Variants in OPCML observed in about 807,000 individuals in gnomAD.
The protein encoded by OPCML is opioid-binding protein/cell adhesion molecule.
Under a neutral mutation model 37.8 loss-of-function variants are expected in OPCML, and 13 were observed. The ratio of observed to expected loss-of-function variants is 0.34; its 90% confidence interval spans 0.22 to 0.55. OPCML has a LOEUF of 0.55. OPCML is among the 20% of genes least tolerant of loss of function. The pLI, the probability that OPCML is intolerant of heterozygous loss-of-function variation, is 0.91. For missense variants in OPCML, 341 were observed against 435.6 expected (o/e 0.78, Z 1.93); for synonymous variants, 176 against 168.8 (o/e 1.04, Z -0.33).
At chr11:133,347,592 G>T (rs185066771) in intron 1 of OPCML, among the ~76,000 whole-genome samples, 1 of 152,064 alleles carries the variant, frequency 6.6e-6, no homozygotes, top group East Asian at 1.9e-4. Flanking sequence ...ATTTAGGTTG[G>T]CCTCTGAAAT....
intron 2 of OPCML, among the ~76,000 whole-genome samples, chr11:132,854,510 C>T (rs921543530): frequency 6.6e-6 from 1 of 152,208 alleles, no homozygotes; most frequent in Admixed American, 6.5e-5. Context: ...TGGCAAGCAG[C>T]CCCTATCCTG....
intron 2 of OPCML, among the ~76,000 whole-genome samples, chr11:132,815,968 G>A (rs776310624): frequency 1.2e-4 from 18 of 152,330 alleles, no homozygotes; most frequent in Non-Finnish European, 2.2e-4. Flanking sequence ...GCAGCAGCTG[G>A]AGGCAGTTCA....
intron 1 of OPCML, chr11:133,421,361 TGGAGAACAGGGTGTCACTC>T: frequency 1.0e-6 from 1 of 985,396 alleles, no homozygotes. Context: ...GCCATCAAGA[TGGAGAACAGGGTGTCACTC>T]GGAGACCAGA....
At position 133,211,394 on chromosome 11, in the gene OPCML, A is replaced by T. The variant is rs1159954088; in HGVS notation, c.62-268384T>A. ...TGAATCCTCTCCCTCTCAAACTGGG[A>T]ACAATAAGGCTTCAGAGCCTTGCAC... On this transcript the variant is annotated intron_variant, in intron 1 of 7. Transcript: ENST00000524381. The surrounding 1 kb of genome is among the most constrained non-coding windows in gnomAD (Gnocchi z 4.1). 6.6e-6 allele frequency among the ~76,000 whole-genome samples: 1 copy of T among 152,180 alleles called. No individual in the cohort carries two copies. The highest frequency in any genetic ancestry group is 1.5e-5 in the Non-Finnish European group (1 of 68,036).
chr11:133,495,064 CT>C (rs888078765), intron 1 of OPCML, among the ~76,000 whole-genome samples: 4 of 152,226 alleles, frequency 2.6e-5, no homozygotes, highest in Middle Eastern at 3.4e-3. Flanking sequence ...CCCTGCCACT[CT>C]TTCCCCCAAG....
At chr11:133,428,787 T>C (rs917334647) in intron 1 of OPCML, among the ~76,000 whole-genome samples, 15 of 152,180 alleles carry the variant, frequency 9.9e-5, no homozygotes, top group African/African-American at 3.6e-4. Flanking sequence ...TATTATGAAA[T>C]TCCAATAAAA....
At chr11:132,821,768 TTTCCTCCCC>T (rs1940001253) in intron 2 of OPCML, among the ~76,000 whole-genome samples, 1 of 152,158 alleles carries the variant, frequency 6.6e-6, no homozygotes, top group African/African-American at 2.4e-5. Flanking sequence ...GCCTTCTTCC[TTTCCTCCCC>T]TTCCTCCCCT....
intron 2 of OPCML, among the ~76,000 whole-genome samples, chr11:132,891,305 C>T (rs1206505510): frequency 1.3e-5 from 2 of 152,184 alleles, no homozygotes; most frequent in African/African-American, 2.4e-5. Flanking sequence ...CCAAGCTCAT[C>T]CATCTGGTCA....
chr11:133,521,569 C>A (rs1485452462), intron 1 of OPCML, among the ~76,000 whole-genome samples: 2 of 152,220 alleles, frequency 1.3e-5, no homozygotes, highest in East Asian at 3.9e-4. Flanking sequence ...GAAAAACATG[C>A]AAAATCCTGA....
chr11:133,078,924 T>G (rs1023262851), intron 1 of OPCML, among the ~76,000 whole-genome samples: 7 of 152,140 alleles, frequency 4.6e-5, no homozygotes, highest in Non-Finnish European at 1.0e-4. Flanking sequence ...TACTAGGGGT[T>G]ATAAACGACA....
intron 1 of OPCML, among the ~76,000 whole-genome samples, chr11:133,038,194 G>T (rs983068508): frequency 6.6e-6 from 1 of 152,200 alleles, no homozygotes. Context: ...CTGGGCGCTG[G>T]CCCTGTCTGT....
At chr11:133,160,813 C>T (rs537931201) in intron 1 of OPCML, among the ~76,000 whole-genome samples, 1 of 152,204 alleles carries the variant, frequency 6.6e-6, no homozygotes, top group Non-Finnish European at 1.5e-5. Flanking sequence ...TAGAGCTAGA[C>T]ATTGCATTCA....
intron 2 of OPCML, among the ~76,000 whole-genome samples, chr11:132,914,035 C>G (rs901602051): frequency 6.6e-6 from 1 of 152,160 alleles, no homozygotes; most frequent in East Asian, 1.9e-4. Context: ...TTGATTGTCT[C>G]AAAAAGCCAG....
chr11:132,882,957 C>T (rs935361611), intron 2 of OPCML, among the ~76,000 whole-genome samples: 1 of 152,032 alleles, frequency 6.6e-6, no homozygotes, highest in African/African-American at 2.4e-5. Context: ...AATTTGAATG[C>T]CCAATGAATA....
chr11:132,602,067 T>G (rs1392931997), intron 3 of OPCML, among the ~76,000 whole-genome samples: 1 of 152,172 alleles, frequency 6.6e-6, no homozygotes, highest in African/African-American at 2.4e-5. Flanking sequence ...CACTTCAGCA[T>G]TCACTATGCA....
At chr11:132,922,561 C>G (rs533432285) in intron 2 of OPCML, among the ~76,000 whole-genome samples, 4 of 152,206 alleles carry the variant, frequency 2.6e-5, no homozygotes, top group African/African-American at 7.2e-5. Context: ...AAGGGTCTGA[C>G]TCCTGCTTCC....
At chr11:132,683,241 A>C (rs1943029015) in intron 2 of OPCML, among the ~76,000 whole-genome samples, 1 of 152,190 alleles carries the variant, frequency 6.6e-6, no homozygotes, top group Non-Finnish European at 1.5e-5. Context: ...GCTACATAAA[A>C]ATTAAAAAAT....
chr11:133,152,748 A>T (rs546879261), intron 1 of OPCML, among the ~76,000 whole-genome samples: 43 of 152,058 alleles, frequency 2.8e-4, no homozygotes, highest in Non-Finnish European at 5.3e-4. Flanking sequence ...CTTTATAAAT[A>T]TATGATTTGA....
chr11:133,095,120 G>GTAGC (rs1261508017), intron 1 of OPCML, among the ~76,000 whole-genome samples: 1 of 151,876 alleles, frequency 6.6e-6, no homozygotes, highest in Non-Finnish European at 1.5e-5. Flanking sequence ...TATTAATCAT[G>GTAGC]TAGCTGTTCT....
Sources: gnomAD v4.1 joint callset for allele counts (sites outside exome capture counted in the v4.1 genomes callset) on GRCh38, gnomAD v4.1.1 for gene constraint, Gnocchi (gnomAD v3.1) non-coding constraint, MANE v1.5 for transcripts, NCBI Gene and HGNC (gene_info 2026-07-23, HGNC 2026-07-21) for gene names.